GNAQ: variants seen among roughly 807,000 people sequenced by gnomAD.
GNAQ encodes G protein subunit alpha q.
In GNAQ, 8 loss-of-function variants were observed where a neutral mutation model predicts 43.9. That is an observed-to-expected ratio of 0.18 (90% confidence interval 0.11 to 0.33). The LOEUF is 0.33. Ranked by LOEUF, GNAQ falls within the 10% of genes least tolerant of loss-of-function variation. GNAQ has a pLI of 1.00. For missense variants in GNAQ, 158 were observed against 450.8 expected (o/e 0.35, Z 5.88); for synonymous variants, 155 against 170.7 (o/e 0.91, Z 0.71).
At chr9:77,787,013 G>C (rs1039120797) in intron 5 of GNAQ, among the ~76,000 whole-genome samples, 5 of 152,104 alleles carry the variant, frequency 3.3e-5, no homozygotes, top group African/African-American at 1.2e-4. Context: ...ATAAATGAGT[G>C]AATTACATAG....
chr9:77,953,906 C>G (rs1254341541), intron 1 of GNAQ, among the ~76,000 whole-genome samples: 1 of 152,194 alleles, frequency 6.6e-6, no homozygotes, highest in Non-Finnish European at 1.5e-5. Context: ...AATTTATCAT[C>G]CCCAACACTG....
At chr9:77,935,551 T>C (rs1829219003) in intron 1 of GNAQ, among the ~76,000 whole-genome samples, 1 of 152,198 alleles carries the variant, frequency 6.6e-6, no homozygotes, top group South Asian at 2.1e-4. Context: ...GATAGGTACA[T>C]GAAATGTCCC....
At chr9:77,833,605 A>G (rs899760020) in intron 2 of GNAQ, among the ~76,000 whole-genome samples, 3 of 152,214 alleles carry the variant, frequency 2.0e-5, no homozygotes, top group African/African-American at 7.2e-5. Context: ...TTTAGTTTCC[A>G]TTTGTTCAGA....
intron 2 of GNAQ, among the ~76,000 whole-genome samples, chr9:77,870,324 GTTTTTTTTTTTT>G (rs781464413): frequency 1.8e-5 from 2 of 111,130 alleles, no homozygotes; most frequent in African/African-American, 3.6e-5. Context: ...TTTGGTGCTA[GTTTTTTTTTTTT>G]TTTTTTTTTT....
In GNAQ at chr9:77,949,427, AG is replaced by A. The variant is rs564697619; in HGVS notation, c.137-27083del. ...AAATTCTGAATCTCTTGGGAGAAAC[AG>A]GGGCTTTGGAATACTCCTGGGGCTG... On this transcript the variant is annotated intron_variant, in intron 1 of 6. Transcript: ENST00000286548. Among the ~76,000 whole-genome samples the A allele has an allele frequency of 5.3e-5, 8 of 152,314 alleles. No individual in the cohort carries two copies. The South Asian group carries it at 1.7e-3, about 32-fold the overall frequency.
At chr9:77,944,019 T>C (rs755615834) in intron 1 of GNAQ, among the ~76,000 whole-genome samples, 7 of 151,782 alleles carry the variant, frequency 4.6e-5, no homozygotes, top group Non-Finnish European at 1.0e-4. Context: ...ACTACCAGAA[T>C]ACTGCTTTAG....
chr9:77,744,026 A>G (rs897301972), intron 5 of GNAQ, among the ~76,000 whole-genome samples: 3 of 152,234 alleles, frequency 2.0e-5, no homozygotes, highest in African/African-American at 7.2e-5. Flanking sequence ...TACATAGTCT[A>G]AATTACCCTT....
intron 2 of GNAQ, among the ~76,000 whole-genome samples, chr9:77,857,668 G>A (rs1827779505): frequency 1.2e-5 from 1 of 80,834 alleles, no homozygotes; most frequent in Admixed American, 1.3e-4. Flanking sequence ...AGGAGGGGAA[G>A]GAGGGAAGGA....
At chr9:77,892,245 T>A (rs1828418507) in intron 2 of GNAQ, among the ~76,000 whole-genome samples, 1 of 152,182 alleles carries the variant, frequency 6.6e-6, no homozygotes, top group Admixed American at 6.5e-5. Context: ...TCATGGGGCT[T>A]TCCAGCCCTA....
chr9:77,995,700 T>G (rs1823559670), intron 1 of GNAQ, among the ~76,000 whole-genome samples: 1 of 152,024 alleles, frequency 6.6e-6, no homozygotes, highest in Admixed American at 6.6e-5. Context: ...TAGGCTGGTC[T>G]CAAACTCCTG....
intron 1 of GNAQ, among the ~76,000 whole-genome samples, chr9:77,984,844 G>A (rs142912689): frequency 1.4e-4 from 22 of 152,240 alleles, no homozygotes; most frequent in African/African-American, 5.3e-4. Flanking sequence ...CCAGGCTCCC[G>A]AGTGAAGAAT....
chr9:77,726,153 T>C (rs1365295286), intron 6 of GNAQ, among the ~76,000 whole-genome samples: 1 of 152,194 alleles, frequency 6.6e-6, no homozygotes, highest in African/African-American at 2.4e-5. Context: ...CCTTCCATAG[T>C]TTTCTGAGCA....
intron 1 of GNAQ, among the ~76,000 whole-genome samples, chr9:77,969,836 T>C (rs1389048903): frequency 1.3e-5 from 2 of 152,196 alleles, no homozygotes; most frequent in Admixed American, 6.5e-5. Context: ...TTGTCTTAAT[T>C]TCAGGCATGC....
intron 1 of GNAQ, among the ~76,000 whole-genome samples, chr9:78,006,445 A>G (rs565992663): frequency 6.0e-4 from 91 of 152,310 alleles, no homozygotes; most frequent in African/African-American, 2.0e-3. Context: ...AAAATACTCT[A>G]TCAGGCAATA....
intron 5 of GNAQ, among the ~76,000 whole-genome samples, chr9:77,763,364 G>A (rs1029026762): frequency 2.0e-5 from 3 of 152,144 alleles, no homozygotes; most frequent in African/African-American, 7.2e-5. Flanking sequence ...GGTGGCTCAT[G>A]CCTGTAATCC....
intron 2 of GNAQ, among the ~76,000 whole-genome samples, chr9:77,886,599 C>T (rs758212226): frequency 1.3e-5 from 2 of 152,066 alleles, no homozygotes; most frequent in African/African-American, 2.4e-5. Flanking sequence ...GGACAAATTT[C>T]TATCACTTGA....
intron 1 of GNAQ, among the ~76,000 whole-genome samples, chr9:77,960,571 C>T (rs1823095261): frequency 6.6e-6 from 1 of 152,154 alleles, no homozygotes; most frequent in South Asian, 2.1e-4. Context: ...ACAGGAAAGG[C>T]ATGCCGCAGG....
chr9:77,743,364 C>T (rs1825683218), intron 5 of GNAQ, among the ~76,000 whole-genome samples: 1 of 152,150 alleles, frequency 6.6e-6, no homozygotes, highest in Non-Finnish European at 1.5e-5. Flanking sequence ...CACTTAAAAC[C>T]TCTGGGGTGA....
intron 2 of GNAQ, among the ~76,000 whole-genome samples, chr9:77,919,425 T>C (rs945052185): frequency 8.5e-5 from 13 of 152,090 alleles, no homozygotes; most frequent in Non-Finnish European, 4.4e-5. Flanking sequence ...CACTTCGCTA[T>C]GGATATGCTA....
Sources: allele counts gnomAD v4.1 joint callset (sites outside exome capture counted in the v4.1 genomes callset), GRCh38; gene constraint gnomAD v4.1.1; transcripts MANE v1.5; gene names NCBI Gene and HGNC (gene_info 2026-07-23, HGNC 2026-07-21).